MCF2L: variants seen among roughly 807,000 people sequenced by gnomAD.
MCF2L encodes guanine nucleotide exchange factor DBS.
MCF2L carries 97 observed loss-of-function variants against 153.4 expected under a neutral mutation model. The ratio of observed to expected loss-of-function variants is 0.63; its 90% CI spans 0.54 to 0.75. MCF2L has a LOEUF of 0.75. Among genes scored for constraint, MCF2L ranks in the 30% least tolerant of loss-of-function variants. MCF2L has a pLI of 0.00. For synonymous variants in MCF2L, 659 were observed against 632.2 expected, an observed-to-expected ratio of 1.04 and a Z score of -0.64; for missense variants, 1,347 against 1,495.2, an observed-to-expected ratio of 0.90 and a Z score of 1.64.
Position 112,993,224 on chromosome 13 carries a change from C to T in MCF2L, c.80-21539C>T, listed in dbSNP as rs556076535. ...TGATGGAGACACGATGGCACAGCCC[C>T]GGTGAAGCCACGTGATGTCTTCGTG... On this transcript the variant is annotated intron_variant, in intron 1 of 29. Transcript: ENST00000535094. This position sits in a 1 kb window ranked among gnomAD's most constrained non-coding sequence, Gnocchi z 4.6. Among the ~76,000 whole-genome samples, 4 of 152,312 alleles carry T rather than the reference C, an allele frequency of 2.6e-5. No homozygotes were observed. The highest frequency in any genetic ancestry group is 3.9e-4 in the East Asian group (2 of 5,186).
intron 1 of MCF2L, chr13:113,001,759 C>A (rs1209516338): frequency 2.9e-6 from 4 of 1,369,116 alleles, no homozygotes; most frequent in Non-Finnish European, 3.7e-6. Flanking sequence ...CGGCTGGCTG[C>A]CCTGCAGAGG....
At position 112,941,656 on chromosome 13, in the gene MCF2L, G is replaced by A. The variant is rs941794217; in HGVS notation, c.169+39285G>A. On this transcript the variant is annotated intron_variant, in intron 2 of 29. Transcript: ENST00000375608. This position sits in a 1 kb window ranked among gnomAD's most constrained non-coding sequence, Gnocchi z 4.9. ...ACTGTGGGCGGCAAGCCACCCAGGT[G>A]CCGAGGCAAGAGACCAAGGGCACGA... Among the ~76,000 whole-genome samples the A allele has an allele frequency of 2.0e-5, 3 of 152,038 alleles. No homozygotes were observed. The highest frequency in any genetic ancestry group is 4.4e-5 in the Non-Finnish European group (3 of 68,020).
chr13:113,083,715 C>T (rs948801205), intron 17 of MCF2L, among the ~76,000 whole-genome samples: 8 of 152,206 alleles, frequency 5.3e-5, no homozygotes, highest in Non-Finnish European at 7.3e-5. Flanking sequence ...TCTTTGCCTG[C>T]GGCCCTGTGA....
At chr13:113,021,962 G>A (rs989498181) in intron 2 of MCF2L, among the ~76,000 whole-genome samples, 33 of 152,298 alleles carry the variant, frequency 2.2e-4, no homozygotes, top group Admixed American at 1.6e-3. Context: ...CCAGGCCCCC[G>A]TGCGATTTCA....
In MCF2L at chr13:113,094,653, G is replaced by T. The variant is rs774541043; in HGVS notation, c.3075+18G>T. 1 of 1,603,582 alleles carries T rather than the reference G, an allele frequency of 6.2e-7. No homozygotes were observed. Among genetic ancestry groups the T allele is most frequent in the African/African-American group, 1.3e-5 (1 of 74,736 alleles). ...AGAAGCTGGTAACCACGGCTTCCCT[G>T]TGGGCACTTGGGGTGGGGGCTGCCC... On this transcript the variant is annotated intron_variant, in intron 27 of 29. Coordinates refer to ENST00000535094, the MANE Select transcript of MCF2L (RefSeq NM_001112732.3).
At chr13:113,080,699 G>A (rs566426642) in intron 15 of MCF2L, among the ~76,000 whole-genome samples, 2 of 152,314 alleles carry the variant, frequency 1.3e-5, no homozygotes, top group East Asian at 1.9e-4. Flanking sequence ...GTGTGAGGGC[G>A]TGGGCAGGGG....
In MCF2L at chr13:113,060,906, G is replaced by A. The variant is rs554576195; in HGVS notation, c.489+194G>A. Among the ~76,000 whole-genome samples, 273 of 60,354 alleles carry A rather than the reference G, an allele frequency of 4.5e-3. 1 individual carries two copies. The highest frequency in any genetic ancestry group is 1.4e-3 in the Non-Finnish European group (38 of 28,052). The allele number at this position is 60,354 out of a possible 152,430, so 39.6% of individuals were successfully genotyped here. A position where few individuals can be genotyped will look rare whatever the true frequency, so the allele number is the denominator to read the frequency against. On this transcript the variant is annotated intron_variant, in intron 5 of 29. Coordinates refer to ENST00000535094, the MANE Select transcript of MCF2L (RefSeq NM_001112732.3). ...TACAATCCTTTCTTCCCCCACCCCC[G>A]CCCCCAGCCCCCACCCCGCCAGAGG... is the stretch of plus-strand genomic sequence containing the variant.
At position 113,094,503 on chromosome 13, in the gene MCF2L, GTC is replaced by G. The variant is rs771255737; in HGVS notation, c.2954-5_2954-4del. On this transcript the variant is annotated splice_polypyrimidine_tract_variant and intron_variant, in intron 26 of 29. Transcript: ENST00000535094. Reference sequence around the variant, plus strand: ...ACCGGGGGGTCCCTCACGGGTGTCTGTCTCTCTTAGGTTGGAGCAAAACGTCC... The same window carrying G: ...ACCGGGGGGTCCCTCACGGGTGTCTGTCTCTTAGGTTGGAGCAAAACGTCC... The G allele has an allele frequency of 6.2e-7, 1 of 1,605,178 alleles. No individual in the cohort carries two copies. The highest frequency in any genetic ancestry group is 8.5e-7 in the Non-Finnish European group (1 of 1,176,962).
chr13:112,986,893 C>G (rs3011539), intron 1 of MCF2L, among the ~76,000 whole-genome samples: 1 of 152,154 alleles, frequency 6.6e-6, no homozygotes, highest in African/African-American at 2.4e-5. Context: ...GTGGGGATGC[C>G]TCAAGGGTGG....
At chr13:113,089,814 C>A in intron 26 of MCF2L, 86 bp downstream of exon 26, 1 of 1,606,878 alleles carries the variant, frequency 6.2e-7, no homozygotes, top group South Asian at 1.1e-5. Flanking sequence ...GAAACCTGCG[C>A]TTCCTGCAGT....
intron 1 of MCF2L, among the ~76,000 whole-genome samples, chr13:112,900,804 G>A (rs1267074645): frequency 6.6e-6 from 1 of 152,126 alleles, no homozygotes; most frequent in East Asian, 1.9e-4. Context: ...TTCTCGGGAC[G>A]GGCCTGCTCT....
chr13:112,896,966 G>A (rs910266333), intron 1 of MCF2L, among the ~76,000 whole-genome samples: 9 of 152,236 alleles, frequency 5.9e-5, no homozygotes, highest in Non-Finnish European at 1.0e-4. Context: ...GGGGACAGCA[G>A]GGCACTGGTC....
intron 3 of MCF2L, among the ~76,000 whole-genome samples, chr13:113,034,432 C>G (rs118021693): frequency 0.07 from 10,590 of 152,258 alleles, 459 homozygotes; most frequent in East Asian, 0.18. Context: ...CCACCATGCC[C>G]GGCCAGGCAG....
intron 1 of MCF2L, among the ~76,000 whole-genome samples, chr13:112,970,198 A>C (rs1312392336): frequency 1.3e-5 from 2 of 152,182 alleles, no homozygotes; most frequent in Non-Finnish European, 2.9e-5. Context: ...TATATCATTA[A>C]AAGTAAGTTG....
chr13:113,052,146 A>T (rs560101683), intron 4 of MCF2L, among the ~76,000 whole-genome samples: 3 of 152,376 alleles, frequency 2.0e-5, no homozygotes, highest in Admixed American at 2.0e-4. Context: ...GAGGATACCT[A>T]TAGCAAAACA....
In MCF2L at chr13:113,098,476, A is replaced by G. The variant is rs1377571567; in HGVS notation, c.*1617A>G. The G allele has an allele frequency of 6.6e-6, 1 of 152,362 alleles. No homozygotes were observed. Among genetic ancestry groups the G allele is most frequent in the Non-Finnish European group, 1.5e-5 (1 of 68,038 alleles). 9.4% of individuals were successfully genotyped at this position (152,362 alleles called of 1,614,324 possible). A position where few individuals can be genotyped will look rare whatever the true frequency, so the allele number is the denominator to read the frequency against. On this transcript the variant is annotated 3_prime_UTR_variant, in exon 30 of 30. Coordinates refer to ENST00000535094, the MANE Select transcript of MCF2L (RefSeq NM_001112732.3). ...CACTGTCACTTTTTTTTAACTGCTG[A>G]TGTAAATGGAATTTTAAAAGCAGAG...
rs554473858 is a variant in MCF2L, at chr13:113,098,522, G to A, written c.*1663G>A. On this transcript the variant is annotated 3_prime_UTR_variant, in exon 30 of 30. Coordinates refer to ENST00000535094, the MANE Select transcript of MCF2L (RefSeq NM_001112732.3). ...CAGAGTTCTTTATTGTATGGATGAC[G>A]TTTGAATAAATATCAGCAACTCCTG... The A allele has an allele frequency of 7.2e-5, 11 of 152,360 alleles. No homozygotes were observed. The highest frequency in any genetic ancestry group is 4.1e-4 in the South Asian group (2 of 4,826). 9.4% of individuals were successfully genotyped at this position (152,360 alleles called of 1,614,324 possible).
intron 4 of MCF2L, among the ~76,000 whole-genome samples, chr13:113,060,275 G>A (rs1032762194): frequency 8.5e-5 from 13 of 152,230 alleles, no homozygotes; most frequent in Non-Finnish European, 1.8e-4. Context: ...GAGGCACTGG[G>A]AGTTAGGCTT....
chr13:112,936,529 G>T (rs1272878167), intron 2 of MCF2L, among the ~76,000 whole-genome samples: 1 of 152,194 alleles, frequency 6.6e-6, no homozygotes, highest in Non-Finnish European at 1.5e-5. Flanking sequence ...TTTTGGGGAA[G>T]AAGAGAAGGA....
Sources: gnomAD v4.1 joint callset for allele counts (sites outside exome capture counted in the v4.1 genomes callset) on GRCh38, gnomAD v4.1.1 for gene constraint, Gnocchi (gnomAD v3.1) non-coding constraint, MANE v1.5 for transcripts, NCBI Gene and HGNC (gene_info 2026-07-23, HGNC 2026-07-21) for gene names.